SPPL3: variants seen among roughly 807,000 people sequenced by gnomAD.
SPPL3 encodes the protein signal peptide peptidase like 3.
SPPL3 carries 5 observed loss-of-function variants against 42.4 expected under a neutral mutation model. The ratio of observed to expected loss-of-function variants is 0.12; its 90% CI spans 0.06 to 0.25. The LOEUF (loss-of-function observed/expected upper bound fraction) is 0.25, where lower values mean the gene tolerates loss of function less well. Ranked by LOEUF, SPPL3 falls within the 10% of genes least tolerant of loss-of-function variation. The probability of loss-of-function intolerance (pLI) is 1.00; values close to 1 mark genes in which losing one functional copy is unlikely to be tolerated. For synonymous variants in SPPL3, 195 were observed against 181.8 expected (o/e 1.07, Z -0.58); for missense variants, 235 against 489.0 (o/e 0.48, Z 4.90).
chr12:120,898,296 GT>G (rs1162273579), intron 1 of SPPL3, among the ~76,000 whole-genome samples: 3,836 of 91,030 alleles, frequency 0.042, 132 homozygotes, highest in South Asian at 0.1. Flanking sequence ...GCAAGACTCT[GT>G]TTTTTTTTTT....
intron 3 of SPPL3, among the ~76,000 whole-genome samples, chr12:120,787,301 A>G (rs1869752911): frequency 6.6e-6 from 1 of 152,246 alleles, no homozygotes; most frequent in South Asian, 2.1e-4. Context: ...CAAATAAATT[A>G]TAACTGAAGT....
chr12:120,894,931 A>G (rs527286181), intron 1 of SPPL3, among the ~76,000 whole-genome samples: 1 of 144,522 alleles, frequency 6.9e-6, no homozygotes, highest in African/African-American at 2.4e-5. Flanking sequence ...CGGGCAACAG[A>G]GTGAGAGTCC....
chr12:120,817,056 G>A (rs1205187470), intron 1 of SPPL3, among the ~76,000 whole-genome samples: 1 of 151,854 alleles, frequency 6.6e-6, no homozygotes, highest in African/African-American at 2.4e-5. Context: ...CTAGGAGTCC[G>A]AGGTGGGAGG....
chr12:120,822,480 A>C (rs1025099172), intron 1 of SPPL3, among the ~76,000 whole-genome samples: 2 of 152,328 alleles, frequency 1.3e-5, no homozygotes, highest in African/African-American at 4.8e-5. Context: ...GAAAATTTCC[A>C]GTGACTTTTA....
chr12:120,842,010 T>G (rs888544984), intron 1 of SPPL3, among the ~76,000 whole-genome samples: 3 of 152,220 alleles, frequency 2.0e-5, no homozygotes, highest in Non-Finnish European at 4.4e-5. Flanking sequence ...CATCTAAAAC[T>G]TCCATCATGC....
At chr12:120,862,715 T>C (rs969744807) in intron 1 of SPPL3, among the ~76,000 whole-genome samples, 1 of 152,146 alleles carries the variant, frequency 6.6e-6, no homozygotes, top group Non-Finnish European at 1.5e-5. Flanking sequence ...ACTCAATTTT[T>C]AAGGATTTTT....
chr12:120,843,376 A>C (rs1240371191), intron 1 of SPPL3, among the ~76,000 whole-genome samples: 1 of 152,148 alleles, frequency 6.6e-6, no homozygotes, highest in Non-Finnish European at 1.5e-5. Flanking sequence ...TACTCTACTG[A>C]GAATGTGCGT....
chr12:120,778,262 G>T (rs550938516), intron 6 of SPPL3, among the ~76,000 whole-genome samples: 5 of 151,532 alleles, frequency 3.3e-5, no homozygotes, highest in Non-Finnish European at 7.4e-5. Flanking sequence ...GATTACAGGC[G>T]CACACCACCA....
intron 1 of SPPL3, among the ~76,000 whole-genome samples, chr12:120,868,822 T>C (rs1872840521): frequency 6.6e-6 from 1 of 152,122 alleles, no homozygotes; most frequent in Non-Finnish European, 1.5e-5. Flanking sequence ...AAATAATATT[T>C]TCATATACAT....
chr12:120,859,899 C>T (rs561809541), intron 1 of SPPL3, among the ~76,000 whole-genome samples: 150 of 151,868 alleles, frequency 9.9e-4, no homozygotes, highest in African/African-American at 3.5e-3. Context: ...GCCAAGATCG[C>T]GCCACTGCAC....
chr12:120,794,940 T>C (rs1178270022), intron 2 of SPPL3, among the ~76,000 whole-genome samples: 3 of 152,218 alleles, frequency 2.0e-5, no homozygotes, highest in South Asian at 2.1e-4. Context: ...AGTATACATC[T>C]TTAACACAGT....
At chr12:120,843,005 G>T (rs1327782958) in intron 1 of SPPL3, among the ~76,000 whole-genome samples, 1 of 152,258 alleles carries the variant, frequency 6.6e-6, no homozygotes, top group East Asian at 1.9e-4. Context: ...CTATTTCTAG[G>T]TTGAAATGTA....
At chr12:120,855,337 C>T (rs1373879341) in intron 1 of SPPL3, among the ~76,000 whole-genome samples, 1 of 152,214 alleles carries the variant, frequency 6.6e-6, no homozygotes, top group African/African-American at 2.4e-5. Context: ...AAATCATAGG[C>T]CCTGGCTATT....
intron 3 of SPPL3, among the ~76,000 whole-genome samples, chr12:120,786,966 G>A (rs543048604): frequency 3.0e-4 from 45 of 152,264 alleles, no homozygotes; most frequent in Non-Finnish European, 5.6e-4. Flanking sequence ...AATAGGCTTG[G>A]TAATGGAATT....
At chr12:120,863,962 G>A (rs1177723571) in intron 1 of SPPL3, among the ~76,000 whole-genome samples, 1 of 151,980 alleles carries the variant, frequency 6.6e-6, no homozygotes, top group Non-Finnish European at 1.5e-5. Context: ...CCGGGCATGA[G>A]CTACCACACC....
At chr12:120,806,406 T>C (rs1396907993) in intron 2 of SPPL3, among the ~76,000 whole-genome samples, 5 of 152,170 alleles carry the variant, frequency 3.3e-5, no homozygotes, top group East Asian at 3.9e-4. Flanking sequence ...CTGGTAAGTA[T>C]AGTCTTTTCA....
chr12:120,837,943 G>A (rs574618996), intron 1 of SPPL3, among the ~76,000 whole-genome samples: 2 of 152,292 alleles, frequency 1.3e-5, no homozygotes, highest in South Asian at 4.1e-4. Context: ...TGAGGCAGGA[G>A]AGTCACTTGA....
intron 1 of SPPL3, among the ~76,000 whole-genome samples, chr12:120,881,668 G>T (rs754734192): frequency 6.0e-5 from 9 of 151,082 alleles, no homozygotes; most frequent in Non-Finnish European, 1.3e-4. Context: ...ATCAACAAAT[G>T]AACAGATACA....
intron 1 of SPPL3, among the ~76,000 whole-genome samples, chr12:120,877,518 C>T (rs1347497362): frequency 2.6e-5 from 4 of 152,154 alleles, no homozygotes; most frequent in South Asian, 2.1e-4. Flanking sequence ...TGGTGGCTCG[C>T]GCCTGTAATC....
Sources: gnomAD v4.1 joint callset for allele counts (sites outside exome capture counted in the v4.1 genomes callset) on GRCh38, gnomAD v4.1.1 for gene constraint, MANE v1.5 for transcripts, NCBI Gene and HGNC (gene_info 2026-07-23, HGNC 2026-07-21) for gene names.